Variants in ANAPC1 observed in about 807,000 individuals in gnomAD.
ANAPC1 encodes anaphase promoting complex subunit 1, also known as anaphase-promoting complex subunit 1.
Under a neutral mutation model 208.0 loss-of-function variants are expected in ANAPC1, and 36 were observed. The observed-to-expected ratio is 0.17, with a 90% CI of 0.13 to 0.23. The LOEUF (loss-of-function observed/expected upper bound fraction) is 0.23, where lower values mean the gene tolerates loss of function less well. Ranked by LOEUF, ANAPC1 falls within the 10% of genes least tolerant of loss-of-function variation. The pLI is 1.00. For missense variants in ANAPC1, 942 were observed against 2,011.6 expected, an observed-to-expected ratio of 0.47 and a Z score of 10.17; for synonymous variants, 378 against 695.2, an observed-to-expected ratio of 0.54 and a Z score of 7.18.
rs1205746269 is a variant in ANAPC1 at position 111,793,313 on chromosome 2, C to T, written c.4519-758G>A. On this transcript the variant is annotated intron_variant, in intron 37 of 47. Coordinates refer to ENST00000341068, the MANE Select transcript of ANAPC1 (RefSeq NM_022662.4). ...AAGTGCAGTGATGCAACAGCCTCAACCTCCTGGGGTCAAAGGATCCACCCA... is the reference window on the plus strand; with the variant it reads ...AAGTGCAGTGATGCAACAGCCTCAATCTCCTGGGGTCAAAGGATCCACCCA... Among the ~76,000 whole-genome samples the T allele has an allele frequency of 4.0e-5, 6 of 151,826 alleles. No individual in the cohort carries two copies. The East Asian group carries it at 9.7e-4, about 25-fold the overall frequency.
At chr2:111,843,843 G>A (rs78527642) in intron 16 of ANAPC1, among the ~76,000 whole-genome samples, 3 of 6,500 alleles carry the variant, frequency 4.6e-4, no homozygotes, top group African/African-American at 1.7e-3. Context: ...TTTTTTTTTT[G>A]AGAGGGTGTC....
chr2:111,787,127 C>A (rs867846339), intron 39 of ANAPC1, among the ~76,000 whole-genome samples: 1 of 138,422 alleles, frequency 7.2e-6, no homozygotes, highest in African/African-American at 2.7e-5. Context: ...TCAGCCTGGG[C>A]GACAGAGCGA....
At chr2:111,869,306 T>C (rs780598049) in intron 6 of ANAPC1, among the ~76,000 whole-genome samples, 2 of 152,058 alleles carry the variant, frequency 1.3e-5, no homozygotes, top group Non-Finnish European at 2.9e-5. Context: ...TGCAGTGATG[T>C]GATCTCGGCT....
At chr2:111,847,227 A>C in intron 15 of ANAPC1, 29 bp from the exon 16 acceptor site, 1 of 1,571,284 alleles carries the variant, frequency 6.4e-7, no homozygotes, top group South Asian at 1.1e-5. Context: ...GAAAGTAGAT[A>C]AAATCTGTGC....
intron 47 of ANAPC1, among the ~76,000 whole-genome samples, chr2:111,771,680 T>A (rs1676746561): frequency 1.3e-5 from 2 of 151,568 alleles, no homozygotes; most frequent in South Asian, 2.1e-4. Context: ...CTCTAGATAG[T>A]AAACTTTTAT....
At chr2:111,789,086 C>T (rs1285526447) in intron 38 of ANAPC1, among the ~76,000 whole-genome samples, 1 of 152,114 alleles carries the variant, frequency 6.6e-6, no homozygotes, top group Non-Finnish European at 1.5e-5. Flanking sequence ...TGCAGTGAGC[C>T]GAGATCGCGC....
chr2:111,863,937 A>G (rs767519923), intron 8 of ANAPC1, 42 bp from the exon 9 acceptor site: 29 of 1,524,594 alleles, frequency 1.9e-5, no homozygotes, highest in South Asian at 2.6e-5. Flanking sequence ...AAAAAAAACA[A>G]TAATTAGAAT....
intron 6 of ANAPC1, among the ~76,000 whole-genome samples, chr2:111,870,957 CA>C (rs71385842): frequency 0.19 from 28,319 of 152,086 alleles, 2,935 homozygotes; most frequent in Middle Eastern, 0.3. Flanking sequence ...GCCTTTCCCC[CA>C]ATTTATGTTT....
intron 38 of ANAPC1, among the ~76,000 whole-genome samples, chr2:111,790,924 A>C (rs1348191880): frequency 6.6e-6 from 1 of 152,210 alleles, no homozygotes; most frequent in African/African-American, 2.4e-5. Context: ...TGGGAGGGGC[A>C]AACAGGGAGT....
intron 19 of ANAPC1, 111 bp downstream of exon 19, chr2:111,834,493 G>A: frequency 8.3e-7 from 1 of 1,202,374 alleles, no homozygotes; most frequent in Non-Finnish European, 1.1e-6. Context: ...TTCTGAGAAG[G>A]TAGATTTCAG....
chr2:111,807,655 GTA>G (rs1573366001), intron 29 of ANAPC1, among the ~76,000 whole-genome samples: 2 of 151,498 alleles, frequency 1.3e-5, no homozygotes, highest in East Asian at 1.9e-4. Flanking sequence ...TTGCACCACT[GTA>G]CTCCAGGCTG....
intron 17 of ANAPC1, among the ~76,000 whole-genome samples, chr2:111,841,272 T>C (rs984092999): frequency 1.3e-5 from 2 of 151,498 alleles, no homozygotes; most frequent in Non-Finnish European, 2.9e-5. Flanking sequence ...TAAGCAAAAA[T>C]CTTTGCCTTC....
At chr2:111,783,702 T>TA (rs1677405446) in intron 42 of ANAPC1, among the ~76,000 whole-genome samples, 195 bp downstream of exon 42, 1 of 152,282 alleles carries the variant, frequency 6.6e-6, no homozygotes, top group Non-Finnish European at 1.5e-5. Flanking sequence ...AGTTTGAAAT[T>TA]AAAACTTTCA....
chr2:111,769,679 C>CTTTTTTTTTT lies in ANAPC1; in HGVS notation c.5720-283_5720-274dup, dbSNP rs767767639. 1.1e-4 allele frequency among the ~76,000 whole-genome samples: 9 copies of CTTTTTTTTTT among 83,260 alleles called. 4 individuals are homozygous for CTTTTTTTTTT. Among genetic ancestry groups the CTTTTTTTTTT allele is most frequent in the African/African-American group, 9.3e-5 (2 of 21,486 alleles). The allele number at this position is 83,260 out of a possible 152,430, so 54.6% of individuals were successfully genotyped here. A position where few individuals can be genotyped will look rare whatever the true frequency, so the allele number is the denominator to read the frequency against. ...TATCTGCATTACACCTACTGGCTTTCTTTTTTTTTTTTTTTTTTTGGAGAC... is the reference window on the plus strand; with the variant it reads ...TATCTGCATTACACCTACTGGCTTTCTTTTTTTTTTTTTTTTTTTTTTTTTTTTTGGAGAC... On this transcript the variant is annotated intron_variant, in intron 47 of 47. Coordinates refer to ENST00000341068, the MANE Select transcript of ANAPC1 (RefSeq NM_022662.4).
At position 111,880,625 on chromosome 2, in the gene ANAPC1, G is replaced by A. The variant is rs574935033; in HGVS notation, c.201C>T (p.His67=). 1.7e-5 allele frequency: 27 copies of A among 1,610,562 alleles called. No individual in the cohort carries two copies. The South Asian group carries it at 1.9e-4, about 11-fold the overall frequency. Reference sequence around the variant, plus strand: ...AACTCAATGGAACCTTCTGTTTCTCGTGGATTGTAACCTCCTGAAGGGATC... The same window carrying A: ...AACTCAATGGAACCTTCTGTTTCTCATGGATTGTAACCTCCTGAAGGGATC... ...LVGSLQEVTI[H]EKQKESWQLR... The change falls in exon 2 of 48, where the codon CAC becomes CAT. Residue 67 remains histidine, a synonymous_variant. Coordinates refer to ENST00000341068, the MANE Select transcript of ANAPC1 (RefSeq NM_022662.4).
At chr2:111,877,352 C>CT (rs1356769615) in intron 3 of ANAPC1, among the ~76,000 whole-genome samples, 6 of 152,034 alleles carry the variant, frequency 3.9e-5, no homozygotes, top group Admixed American at 3.3e-4. Flanking sequence ...CAGTCCCCAC[C>CT]TTTTTTTCTT....
rs569094503 is a variant in ANAPC1 at position 111,767,856 on chromosome 2, G to C, written c.*1435C>G. The C allele has an allele frequency of 6.6e-6, 1 of 152,334 alleles. No homozygotes were observed. Among genetic ancestry groups the C allele is most frequent in the South Asian group, 2.1e-4 (1 of 4,832 alleles). 9.4% of individuals were successfully genotyped at this position (152,334 alleles called of 1,614,324 possible). A position where few individuals can be genotyped will look rare whatever the true frequency, so the allele number is the denominator to read the frequency against. On this transcript the variant is annotated 3_prime_UTR_variant, in exon 48 of 48. Transcript: ENST00000341068. ...TCTCAGTCAGCCCCATCGTGCCTCT[G>C]CTTCACATCCAGGAAGAAGCGAGTC...
rs147312815 is a variant in ANAPC1 at position 111,880,816 on chromosome 2, A to C, written c.10T>G (p.Phe4Val). ...ATCATCGTTGTCCTTTCTTCATAGA[A>C]GTTCGACATGGGTTCCAAATATCAA... Reference protein sequence around the residue: MSNFYEERTTMIAA... With the variant: MSNVYEERTTMIAA... The change falls in exon 2 of 48, where the codon TTC (phenylalanine) becomes GTC (valine). Residue 4 changes from phenylalanine to valine, a missense_variant. Transcript: ENST00000341068. 203 of 1,613,728 alleles carry C rather than the reference A, an allele frequency of 1.3e-4. No individual in the cohort carries two copies. Among genetic ancestry groups the C allele is most frequent in the Non-Finnish European group, 1.7e-4 (199 of 1,179,844 alleles).
intron 21 of ANAPC1, among the ~76,000 whole-genome samples, chr2:111,827,938 C>T (rs1173250783): frequency 6.6e-6 from 1 of 151,916 alleles, no homozygotes; most frequent in Non-Finnish European, 1.5e-5. Context: ...GAGGATAAAA[C>T]TAAGATGAAA....
Sources: gnomAD v4.1 joint callset for allele counts (sites outside exome capture counted in the v4.1 genomes callset) on GRCh38, gnomAD v4.1.1 for gene constraint, MANE v1.5 for transcripts, NCBI Gene and HGNC (gene_info 2026-07-23, HGNC 2026-07-21) for gene names.